The following MINPP1 variants were observed in gnomAD, a reference collection of about 807,000 sequenced individuals.
MINPP1 encodes the protein multiple inositol polyphosphate phosphatase 1.
MINPP1 carries 28 observed loss-of-function variants against 46.1 expected under a neutral mutation model. The observed-to-expected ratio is 0.61, with a 90% CI of 0.45 to 0.83. MINPP1 has a LOEUF of 0.83. Among genes scored for constraint, MINPP1 ranks in the 40% least tolerant of loss-of-function variants. MINPP1 has a pLI of 0.00. For missense variants in MINPP1, 603 were observed against 610.0 expected (o/e 0.99, Z 0.12); for synonymous variants, 268 against 249.1 (o/e 1.08, Z -0.72).
chr10:87,515,822 A>ATTTTT (rs71019482), intron 3 of MINPP1, among the ~76,000 whole-genome samples: 3 of 84,104 alleles, frequency 3.6e-5, no homozygotes, highest in Non-Finnish European at 7.0e-5. Flanking sequence ...TTTGTTAAGA[A>ATTTTT]TTTTTTTTTT....
intron 4 of MINPP1, among the ~76,000 whole-genome samples, chr10:87,528,504 T>G (rs1277857039): frequency 6.6e-6 from 1 of 152,150 alleles, no homozygotes; most frequent in African/African-American, 2.4e-5. Context: ...TCAGTTTCCA[T>G]GTAGTTGAGC....
At chr10:87,520,328 C>G (rs1298994764) in intron 3 of MINPP1, among the ~76,000 whole-genome samples, 1 of 152,040 alleles carries the variant, frequency 6.6e-6, no homozygotes, top group Non-Finnish European at 1.5e-5. Context: ...CTTGTACATT[C>G]TCCCTGGTGT....
In MINPP1 at chr10:87,552,065, T is replaced by C. The variant is rs1265832944; in HGVS notation, c.1068-17T>C. ...ATTAATATATATACCTTATTTTCTCTTAATTTCTATTTGAAGGTCTCAGCC... is the reference window on the plus strand; with the variant it reads ...ATTAATATATATACCTTATTTTCTCCTAATTTCTATTTGAAGGTCTCAGCC... On this transcript the variant is annotated splice_polypyrimidine_tract_variant and intron_variant, in intron 4 of 4. Coordinates refer to ENST00000371996, the MANE Select transcript of MINPP1 (RefSeq NM_004897.5). 1 of 1,598,314 alleles carries C rather than the reference T, an allele frequency of 6.3e-7. No individual in the cohort carries two copies. The highest frequency in any genetic ancestry group is 8.6e-7 in the Non-Finnish European group (1 of 1,169,098).
chr10:87,520,917 A>G (rs1029626701), intron 3 of MINPP1, 119 bp from the exon 4 acceptor site: 8 of 580,132 alleles, frequency 1.4e-5, no homozygotes, highest in Non-Finnish European at 2.5e-5. Context: ...GACAAATACT[A>G]TATTTTGTGC....
intron 4 of MINPP1, among the ~76,000 whole-genome samples, chr10:87,530,631 G>A (rs1851645816): frequency 6.6e-6 from 1 of 152,204 alleles, no homozygotes; most frequent in South Asian, 2.1e-4. Context: ...TGCCCCCCCA[G>A]TTAGGCTACT....
intron 4 of MINPP1, among the ~76,000 whole-genome samples, chr10:87,522,950 C>G (rs762043542): frequency 6.6e-6 from 1 of 152,200 alleles, no homozygotes; most frequent in South Asian, 2.1e-4. Context: ...CAACAATATT[C>G]ATAGTATCTT....
intron 4 of MINPP1, among the ~76,000 whole-genome samples, chr10:87,536,310 A>G (rs1298842174): frequency 6.6e-6 from 1 of 152,206 alleles, no homozygotes; most frequent in Non-Finnish European, 1.5e-5. Flanking sequence ...GGTTTGGTAA[A>G]GGCTTTATGA....
chr10:87,552,664 A>T lies in MINPP1; in HGVS notation c.*186A>T. 1.6e-6 allele frequency: 1 copy of T among 612,470 alleles called. No homozygotes were observed. The highest frequency in any genetic ancestry group is 2.8e-6 in the Non-Finnish European group (1 of 354,206). 37.9% of individuals were successfully genotyped at this position (612,470 alleles called of 1,614,324 possible). ...AATGTAAGAAAAGATTTTTCACTGGAGCAGCTCTCTTAAGGAGAAACAAAT... is the reference window on the plus strand; with the variant it reads ...AATGTAAGAAAAGATTTTTCACTGGTGCAGCTCTCTTAAGGAGAAACAAAT... On this transcript the variant is annotated 3_prime_UTR_variant, in exon 5 of 5. Coordinates refer to ENST00000371996, the MANE Select transcript of MINPP1 (RefSeq NM_004897.5).
chr10:87,520,804 C>T (rs1382943572), intron 3 of MINPP1, among the ~76,000 whole-genome samples: 1 of 152,104 alleles, frequency 6.6e-6, no homozygotes. Context: ...TACTGGCTTG[C>T]TCTTGCACAC....
At chr10:87,549,428 A>G (rs1036589369) in intron 4 of MINPP1, among the ~76,000 whole-genome samples, 4 of 152,182 alleles carry the variant, frequency 2.6e-5, no homozygotes, top group Admixed American at 2.6e-4. Flanking sequence ...GACTGTCCAT[A>G]CCACTGTCTG....
intron 4 of MINPP1, among the ~76,000 whole-genome samples, chr10:87,523,162 G>A (rs1851526814): frequency 6.6e-6 from 1 of 151,980 alleles, no homozygotes; most frequent in Non-Finnish European, 1.5e-5. Flanking sequence ...CCAAACTCCT[G>A]GTAATGTTGA....
chr10:87,533,309 G>A (rs1438825166), intron 4 of MINPP1, among the ~76,000 whole-genome samples: 3 of 151,566 alleles, frequency 2.0e-5, no homozygotes, highest in African/African-American at 4.9e-5. Context: ...AAATATAACC[G>A]GCCCTTGAAA....
chr10:87,514,662 CCTT>C lies in MINPP1; in HGVS notation c.933+1444_933+1446del, dbSNP rs1202995999. 2.0e-5 allele frequency among the ~76,000 whole-genome samples: 3 copies of C among 152,246 alleles called. No individual in the cohort carries two copies. In the East Asian group the frequency reaches 5.8e-4, roughly 29 times the overall value. On this transcript the variant is annotated intron_variant, in intron 3 of 4. Transcript: ENST00000371996. Reference sequence around the variant, plus strand: ...CAAGAGCACTACGTAAGTGATATATCCTTCTCAGTGCATCATATCAGAAGGACT... The same window carrying C: ...CAAGAGCACTACGTAAGTGATATATCCTCAGTGCATCATATCAGAAGGACT...
chr10:87,532,539 G>T (rs1007376017), intron 4 of MINPP1, among the ~76,000 whole-genome samples: 1 of 152,216 alleles, frequency 6.6e-6, no homozygotes, highest in Admixed American at 6.5e-5. Context: ...AGCAGTGAGC[G>T]ATGATGAAGA....
chr10:87,505,242 G>T lies in MINPP1; in HGVS notation c.327G>T (p.Leu109=). 1 of 1,612,518 alleles carries T rather than the reference G, an allele frequency of 6.2e-7. No homozygotes were observed. Among genetic ancestry groups the T allele is most frequent in the Non-Finnish European group, 8.5e-7 (1 of 1,179,144 alleles). ...AGCTGAGGCAGCTGCACGGGTTGCT[G>T]CAGGCCCGCGGGTCCAGGGATGGCG... is the stretch of plus-strand genomic sequence containing the variant. The part of the protein sequence containing the change: ...IRKLRQLHGL[L]QARGSRDGGA... The change falls in exon 1 of 5, where the codon CTG becomes CTT. Residue 109 remains leucine (L), a synonymous_variant. Coordinates refer to ENST00000371996, the MANE Select transcript of MINPP1 (RefSeq NM_004897.5). The surrounding 1 kb of genome is among the most constrained non-coding windows in gnomAD (Gnocchi z 4.4).
chr10:87,550,725 G>A (rs1272913124), intron 4 of MINPP1, among the ~76,000 whole-genome samples: 2 of 151,778 alleles, frequency 1.3e-5, no homozygotes, highest in Admixed American at 6.6e-5. Context: ...TCCTGGCTCT[G>A]TTCCCCTCCC....
chr10:87,542,415 TCA>T (rs1424263309), intron 4 of MINPP1, among the ~76,000 whole-genome samples: 1 of 150,890 alleles, frequency 6.6e-6, no homozygotes, highest in East Asian at 2.0e-4. Flanking sequence ...TCCTCCCACC[TCA>T]CCCTCCCAGG....
At chr10:87,511,941 AT>A (rs1005664838) in intron 2 of MINPP1, among the ~76,000 whole-genome samples, 1 of 152,016 alleles carries the variant, frequency 6.6e-6, no homozygotes. Flanking sequence ...AATGAAATAC[AT>A]TTTTTTTGTA....
chr10:87,525,790 G>C (rs1851568291), intron 4 of MINPP1, among the ~76,000 whole-genome samples: 1 of 152,188 alleles, frequency 6.6e-6, no homozygotes, highest in South Asian at 2.1e-4. Flanking sequence ...CCACCTATGA[G>C]TGAAAACATG....
Sources: gnomAD v4.1 joint callset for allele counts (sites outside exome capture counted in the v4.1 genomes callset) on GRCh38, gnomAD v4.1.1 for gene constraint, Gnocchi (gnomAD v3.1) non-coding constraint, MANE v1.5 for transcripts, NCBI Gene and HGNC (gene_info 2026-07-23, HGNC 2026-07-21) for gene names.